UGGT2: variants seen among roughly 807,000 people sequenced by gnomAD.
UGGT2 encodes the protein UDP-glucose:glycoprotein glucosyltransferase 2.
In UGGT2, 180 loss-of-function variants were observed where a neutral mutation model predicts 192.1. The ratio of observed to expected loss-of-function variants is 0.94; its 90% CI spans 0.83 to 1.06. The LOEUF is 1.06. UGGT2 is among the 50% of genes least tolerant of loss of function. The pLI is 0.00. For missense variants in UGGT2, 1,849 were observed against 1,795.7 expected (o/e 1.03, Z -0.54); for synonymous variants, 580 against 591.0 (o/e 0.98, Z 0.27).
At chr13:96,008,441 T>C (rs1428414896) in intron 5 of UGGT2, among the ~76,000 whole-genome samples, 1 of 152,188 alleles carries the variant, frequency 6.6e-6, no homozygotes, top group Non-Finnish European at 1.5e-5. Flanking sequence ...AAGCAAACTA[T>C]ACCTGTTTGC....
chr13:95,851,183 C>A (rs1055432584), intron 36 of UGGT2, among the ~76,000 whole-genome samples: 1 of 152,130 alleles, frequency 6.6e-6, no homozygotes. Flanking sequence ...CAACCTGTAA[C>A]AGGCAGCTAA....
chr13:95,952,055 CA>C (rs34833403), intron 12 of UGGT2, among the ~76,000 whole-genome samples: 13 of 143,640 alleles, frequency 9.1e-5, no homozygotes, highest in Admixed American at 2.1e-4. Flanking sequence ...GAGACTGTCT[CA>C]AAAAAAAAAA....
intron 36 of UGGT2, among the ~76,000 whole-genome samples, chr13:95,839,314 C>T (rs961214416): frequency 6.6e-6 from 1 of 152,138 alleles, no homozygotes; most frequent in Non-Finnish European, 1.5e-5. Context: ...CCTTCCCTAA[C>T]CTCCATGTAC....
At chr13:95,994,771 T>C (rs2051565905) in intron 7 of UGGT2, among the ~76,000 whole-genome samples, 2 of 152,176 alleles carry the variant, frequency 1.3e-5, no homozygotes, top group South Asian at 2.1e-4. Flanking sequence ...CACCATATAG[T>C]GCAAATGAAG....
chr13:96,053,171 G>C lies in UGGT2; in HGVS notation c.142C>G (p.Leu48Val). 1 of 1,515,396 alleles carries C rather than the reference G, an allele frequency of 6.6e-7. No individual in the cohort carries two copies. Among genetic ancestry groups the C allele is most frequent in the Non-Finnish European group, 8.8e-7 (1 of 1,136,960 alleles). The allele number at this position is 1,515,396 out of a possible 1,614,324, so 93.9% of individuals were successfully genotyped here. ...HLAAKWPETP[L>V]LLEASEFMAE... is the part of the protein sequence containing the mutation. ...CGCACCCACCTTGCCTCCAGCAGCAGCGGGGTCTCGGGCCACTTCGCGGCC... is the reference window on the plus strand; with the variant it reads ...CGCACCCACCTTGCCTCCAGCAGCACCGGGGTCTCGGGCCACTTCGCGGCC... The change falls in exon 1 of 39, where the codon CTG (leucine) becomes GTG (valine). Residue 48 changes from leucine (L) to valine (V), a missense_variant. Transcript: ENST00000376747.
At chr13:95,880,194 T>C (rs1418163300) in intron 27 of UGGT2, among the ~76,000 whole-genome samples, 1 of 152,234 alleles carries the variant, frequency 6.6e-6, no homozygotes, top group East Asian at 1.9e-4. Flanking sequence ...TAAGTTTAAT[T>C]ATAAAGATCA....
At chr13:95,868,312 G>A (rs751476965) in intron 29 of UGGT2, among the ~76,000 whole-genome samples, 5 of 152,116 alleles carry the variant, frequency 3.3e-5, no homozygotes, top group Non-Finnish European at 4.4e-5. Flanking sequence ...AAAACAGAAA[G>A]AAGCCAGGTG....
chr13:95,943,354 A>G lies in UGGT2; in HGVS notation c.1678-3263T>C, dbSNP rs531987009. On this transcript the variant is annotated intron_variant, in intron 15 of 38. Coordinates refer to ENST00000376747, the MANE Select transcript of UGGT2 (RefSeq NM_020121.4). The stretch of plus-strand genomic sequence containing the variant: ...GGTAGAGCTTTTCATTCATTTAGGT[A>G]AACTTTCATGGCTATAATTCCAAAT... 4.6e-5 allele frequency among the ~76,000 whole-genome samples: 7 copies of G among 152,172 alleles called. No individual in the cohort carries two copies. The South Asian group carries it at 1.4e-3, about 32-fold the overall frequency.
intron 38 of UGGT2, among the ~76,000 whole-genome samples, chr13:95,831,806 G>T (rs944316947): frequency 6.6e-6 from 1 of 151,772 alleles, no homozygotes; most frequent in Admixed American, 6.6e-5. Flanking sequence ...ATAAGAAAAA[G>T]ATGTTTTTTG....
At position 95,906,368 on chromosome 13, in the gene UGGT2, G is replaced by T. The variant is rs140985987; in HGVS notation, c.2296-3308C>A. Among the ~76,000 whole-genome samples the T allele has an allele frequency of 4.7e-3, 712 of 152,132 alleles. 5 individuals carry two copies. The highest frequency in any genetic ancestry group is 0.017 in the African/African-American group (687 of 41,494). On this transcript the variant is annotated intron_variant, in intron 20 of 38. Transcript: ENST00000376747. Reference sequence around the variant, plus strand: ...ATATGTGGCTATGTATGTATTTTCTGTGTAAACAACTTGGAATGGCAACTG... The same window carrying T: ...ATATGTGGCTATGTATGTATTTTCTTTGTAAACAACTTGGAATGGCAACTG...
intron 38 of UGGT2, among the ~76,000 whole-genome samples, chr13:95,827,437 G>GAAAAGAAAGCCATTTAC (rs1313958110): frequency 1.3e-5 from 2 of 152,072 alleles, no homozygotes; most frequent in Non-Finnish European, 2.9e-5. Context: ...GACACATAAG[G>GAAAAGAAAGCCATTTAC]AAAAGAAAGC....
intron 26 of UGGT2, chr13:95,887,226 G>C: frequency 2.0e-6 from 1 of 491,374 alleles, no homozygotes; most frequent in South Asian, 1.5e-5. Context: ...ACAGAGATGA[G>C]CACATTAAAA....
chr13:95,927,435 T>A, intron 17 of UGGT2, 99 bp from the exon 18 acceptor site: 1 of 946,348 alleles, frequency 1.1e-6, no homozygotes, highest in Non-Finnish European at 1.5e-6. Flanking sequence ...CAAAAATAAA[T>A]AAGCAATTTA....
chr13:95,918,229 C>T (rs915873375), intron 20 of UGGT2, among the ~76,000 whole-genome samples: 11 of 152,156 alleles, frequency 7.2e-5, no homozygotes, highest in Admixed American at 1.3e-4. Context: ...AAGAAATTCA[C>T]TCAAAACCAC....
At chr13:95,956,719 T>C (rs1178115024) in intron 12 of UGGT2, among the ~76,000 whole-genome samples, 1 of 152,236 alleles carries the variant, frequency 6.6e-6, no homozygotes, top group Non-Finnish European at 1.5e-5. Flanking sequence ...ACTTGTGAAC[T>C]GACAGTGGTA....
rs1424281067 is a variant in UGGT2 at position 95,863,820 on chromosome 13, T to C, written c.3559-106A>G. The C allele has an allele frequency of 5.7e-6, 5 of 881,506 alleles. No individual in the cohort carries two copies. The African/African-American group carries it at 6.7e-5, about 12-fold the overall frequency. 54.6% of individuals were successfully genotyped at this position (881,506 alleles called of 1,614,324 possible). A position where few individuals can be genotyped will look rare whatever the true frequency, so the allele number is the denominator to read the frequency against. ...CGAGATTACCCATAGAAATCTAAGA[T>C]TGACAGTTGCAGTAACCAAAGACAG... On this transcript the variant is annotated intron_variant, in intron 30 of 38. Transcript: ENST00000376747.
intron 2 of UGGT2, among the ~76,000 whole-genome samples, chr13:96,029,545 CAA>C (rs1336585312): frequency 6.6e-6 from 1 of 152,118 alleles, no homozygotes; most frequent in Non-Finnish European, 1.5e-5. Context: ...CTCAGCCTCC[CAA>C]AGTGCTGGGA....
At chr13:95,814,475 C>G (rs1884723240) in intron 38 of UGGT2, among the ~76,000 whole-genome samples, 1 of 152,160 alleles carries the variant, frequency 6.6e-6, no homozygotes, top group Non-Finnish European at 1.5e-5. Flanking sequence ...TTTCTTTTGG[C>G]CAATTTTTTC....
At chr13:95,982,813 G>A (rs909660721) in intron 10 of UGGT2, among the ~76,000 whole-genome samples, 2 of 152,148 alleles carry the variant, frequency 1.3e-5, no homozygotes, top group Admixed American at 6.6e-5. Flanking sequence ...CGTTTTGAAG[G>A]ATACACAGGA....
Sources: gnomAD v4.1 joint callset for allele counts (sites outside exome capture counted in the v4.1 genomes callset) on GRCh38, gnomAD v4.1.1 for gene constraint, MANE v1.5 for transcripts, NCBI Gene and HGNC (gene_info 2026-07-23, HGNC 2026-07-21) for gene names.